Variants in MEGF9 observed in about 807,000 individuals in gnomAD.
The protein encoded by MEGF9 is multiple EGF like domains 9.
In MEGF9, 6 loss-of-function variants were observed where a neutral mutation model predicts 46.8. The observed-to-expected ratio is 0.13, with a 90% CI of 0.07 to 0.25. The LOEUF (loss-of-function observed/expected upper bound fraction) is 0.25, where lower values mean the gene tolerates loss of function less well. Among genes scored for constraint, MEGF9 ranks in the 10% least tolerant of loss-of-function variants. The pLI, the probability that MEGF9 is intolerant of heterozygous loss-of-function variation, is 1.00. For synonymous variants in MEGF9, 302 were observed against 330.7 expected (o/e 0.91, Z 0.94); for missense variants, 683 against 792.4 (o/e 0.86, Z 1.66).
At chr9:120,630,087 A>G (rs1308230251) in intron 2 of MEGF9, among the ~76,000 whole-genome samples, 1 of 152,184 alleles carries the variant, frequency 6.6e-6, no homozygotes, top group Non-Finnish European at 1.5e-5. Context: ...ACTGACAAAT[A>G]ACAATTGTAC....
chr9:120,687,640 T>C (rs891126104), intron 1 of MEGF9, among the ~76,000 whole-genome samples: 2 of 149,920 alleles, frequency 1.3e-5, no homozygotes, highest in African/African-American at 4.9e-5. Context: ...TAAGAGTTCA[T>C]TATACAAAAT....
At chr9:120,701,311 A>G (rs989679512) in intron 1 of MEGF9, among the ~76,000 whole-genome samples, 3 of 152,182 alleles carry the variant, frequency 2.0e-5, no homozygotes, top group African/African-American at 7.2e-5. Context: ...AGTTTCTTGG[A>G]AGCATGTAAG....
intron 1 of MEGF9, among the ~76,000 whole-genome samples, chr9:120,698,167 A>G (rs1445638761): frequency 1.3e-5 from 2 of 152,236 alleles, no homozygotes; most frequent in Non-Finnish European, 2.9e-5. Context: ...ATAGGTTATA[A>G]TAGGTGTATA....
intron 3 of MEGF9, among the ~76,000 whole-genome samples, chr9:120,612,925 CTTTTTT>C (rs58019064): frequency 1.5e-5 from 2 of 135,172 alleles, no homozygotes; most frequent in Admixed American, 7.3e-5. Context: ...ATGCACAAAT[CTTTTTT>C]TTTTTTTTTT....
chr9:120,652,200 A>AAAAAAAAAAG, intron 2 of MEGF9, among the ~76,000 whole-genome samples: 1 of 144,690 alleles, frequency 6.9e-6, no homozygotes. Context: ...AAAAAAAAAA[A>AAAAAAAAAAG]ACAGGTCAGG....
At chr9:120,679,452 C>T (rs2043788410) in intron 1 of MEGF9, among the ~76,000 whole-genome samples, 1 of 139,918 alleles carries the variant, frequency 7.1e-6, no homozygotes, top group Non-Finnish European at 1.5e-5. Context: ...GGATGGGGAA[C>T]ATCACACACC....
intron 2 of MEGF9, among the ~76,000 whole-genome samples, chr9:120,627,740 GGT>G (rs1472955217): frequency 3.3e-5 from 5 of 152,226 alleles, no homozygotes; most frequent in Non-Finnish European, 7.3e-5. Context: ...TGGGATTACA[GGT>G]GTGAGCCACT....
intron 1 of MEGF9, among the ~76,000 whole-genome samples, chr9:120,702,686 C>T (rs1361706902): frequency 6.6e-6 from 1 of 152,000 alleles, no homozygotes; most frequent in Non-Finnish European, 1.5e-5. Context: ...AAGGACAAAT[C>T]CAAAATATAA....
At chr9:120,706,179 C>T (rs533174140) in intron 1 of MEGF9, among the ~76,000 whole-genome samples, 1 of 152,158 alleles carries the variant, frequency 6.6e-6, no homozygotes, top group South Asian at 2.1e-4. Flanking sequence ...TTTAGAAATG[C>T]TAAGATGAGA....
chr9:120,633,964 T>C (rs1378129656), intron 2 of MEGF9, among the ~76,000 whole-genome samples: 1 of 152,220 alleles, frequency 6.6e-6, no homozygotes, highest in African/African-American at 2.4e-5. Flanking sequence ...ATAATATTAA[T>C]TCTTTTAAAT....
chr9:120,605,236 T>C lies in MEGF9; in HGVS notation c.1763A>G (p.Asn588Ser). The part of the protein sequence containing the change: ...LEDDGNEVAP[N>S]GQLTLTTPIH... Reference sequence around the variant, plus strand: ...GGGCGTCGTCAGGGTCAGCTGCCCATTGGGAGCCACTTCATTGCCATCATC... The same window carrying C: ...GGGCGTCGTCAGGGTCAGCTGCCCACTGGGAGCCACTTCATTGCCATCATC... Residue 588 changes from asparagine to serine, a missense_variant, in exon 6 of 6, where the codon AAT becomes AGT. Coordinates refer to ENST00000373930, the MANE Select transcript of MEGF9 (RefSeq NM_001080497.3). The surrounding 1 kb of genome is among the most constrained non-coding windows in gnomAD (Gnocchi z 4.0). 6.2e-6 allele frequency: 10 copies of C among 1,614,046 alleles called. No individual in the cohort carries two copies. The highest frequency in any genetic ancestry group is 8.5e-6 in the Non-Finnish European group (10 of 1,179,896).
intron 2 of MEGF9, among the ~76,000 whole-genome samples, chr9:120,642,452 G>A (rs184895041): frequency 1.4e-4 from 21 of 152,282 alleles, no homozygotes; most frequent in Admixed American, 3.9e-4. Flanking sequence ...ATGCCATGTC[G>A]CTAAGTAATT....
intron 1 of MEGF9, among the ~76,000 whole-genome samples, chr9:120,702,714 C>A (rs1047162413): frequency 7.2e-5 from 11 of 152,066 alleles, no homozygotes; most frequent in Non-Finnish European, 1.5e-4. Flanking sequence ...GAAAGAAGAG[C>A]TGATGTAAGT....
intron 2 of MEGF9, among the ~76,000 whole-genome samples, chr9:120,654,379 C>T (rs1587985613): frequency 1.3e-5 from 2 of 152,194 alleles, no homozygotes; most frequent in South Asian, 4.1e-4. Context: ...ATGACATTTC[C>T]GTCAATGACG....
At chr9:120,688,130 A>AACACACACACACAC (rs34218836) in intron 1 of MEGF9, among the ~76,000 whole-genome samples, 9 of 142,526 alleles carry the variant, frequency 6.3e-5, no homozygotes, top group African/African-American at 1.6e-4. Flanking sequence ...TCCTCTCCGC[A>AACACACACACACAC]ACACACACAC....
chr9:120,680,753 A>G (rs528455273), intron 1 of MEGF9, among the ~76,000 whole-genome samples: 53 of 152,176 alleles, frequency 3.5e-4, no homozygotes, highest in African/African-American at 1.2e-3. Context: ...GCGCCACAAT[A>G]CAAAGTCCTT....
chr9:120,627,654 A>G (rs1394070977), intron 2 of MEGF9, among the ~76,000 whole-genome samples: 1 of 152,064 alleles, frequency 6.6e-6, no homozygotes, highest in Non-Finnish European at 1.5e-5. Context: ...GCAGAAACAG[A>G]GTTTCGTCAT....
chr9:120,610,622 T>C (rs1393320468), intron 4 of MEGF9, among the ~76,000 whole-genome samples: 1 of 152,200 alleles, frequency 6.6e-6, no homozygotes, highest in Admixed American at 6.5e-5. Flanking sequence ...TCTGAAGCCA[T>C]TGCTGATATT....
chr9:120,668,034 A>G (rs1210758604), intron 1 of MEGF9, among the ~76,000 whole-genome samples: 1 of 152,196 alleles, frequency 6.6e-6, no homozygotes, highest in African/African-American at 2.4e-5. Context: ...CAAAATAAAC[A>G]AACAAACAAA....
Sources: allele counts gnomAD v4.1 joint callset (sites outside exome capture counted in the v4.1 genomes callset), GRCh38; gene constraint gnomAD v4.1.1; non-coding constraint Gnocchi (gnomAD v3.1); transcripts MANE v1.5; gene names NCBI Gene and HGNC (gene_info 2026-07-23, HGNC 2026-07-21).